ATP2B2: variants seen among roughly 807,000 people sequenced by gnomAD.
ATP2B2 encodes plasma membrane calcium-transporting ATPase 2.
A neutral mutation model predicts 120.0 loss-of-function variants in ATP2B2; 15 were observed. That is an observed-to-expected ratio of 0.12 (90% CI 0.08 to 0.19). The LOEUF (loss-of-function observed/expected upper bound fraction) is 0.19. Among genes scored for constraint, ATP2B2 ranks in the 10% least tolerant of loss-of-function variants. The pLI, the probability that ATP2B2 is intolerant of heterozygous loss-of-function variation, is 1.00. For missense variants in ATP2B2, 1,045 were observed against 1,719.8 expected, an observed-to-expected ratio of 0.61 and a Z score of 6.94; for synonymous variants, 694 against 700.3, an observed-to-expected ratio of 0.99 and a Z score of 0.14.
chr3:10,494,296 T>A (rs1380634712), intron 1 of ATP2B2, among the ~76,000 whole-genome samples: 1 of 152,142 alleles, frequency 6.6e-6, no homozygotes, highest in Non-Finnish European at 1.5e-5. Flanking sequence ...TCAGGCATGG[T>A]TCTAGGCTCC....
intron 1 of ATP2B2, among the ~76,000 whole-genome samples, chr3:10,474,959 C>T (rs909241121): frequency 6.6e-6 from 1 of 152,246 alleles, no homozygotes; most frequent in African/African-American, 2.4e-5. Flanking sequence ...CTCATGCATT[C>T]AGTGTCCCCA....
chr3:10,331,438 A>G lies in ATP2B2; in HGVS notation c.3421-2313T>C, dbSNP rs184602097. ...GGAACACCTAGTGTATGTGTGGGGC[A>G]GGGGGATGGTGGCAGGACCCTGTCA... On this transcript the variant is annotated intron_variant, in intron 22 of 22. Transcript: ENST00000360273. 7.2e-4 allele frequency among the ~76,000 whole-genome samples: 110 copies of G among 152,314 alleles called. 1 individual carries two copies. Among genetic ancestry groups the G allele is most frequent in the African/African-American group, 2.4e-3 (101 of 41,578 alleles).
intron 16 of ATP2B2, among the ~76,000 whole-genome samples, chr3:10,348,355 C>G (rs2060485051): frequency 6.6e-6 from 1 of 152,224 alleles, no homozygotes; most frequent in African/African-American, 2.4e-5. Flanking sequence ...GGTCCCTCCA[C>G]TGCCAGGCCG....
At chr3:10,365,176 A>G (rs979082571) in intron 12 of ATP2B2, among the ~76,000 whole-genome samples, 1 of 152,274 alleles carries the variant, frequency 6.6e-6, no homozygotes, top group African/African-American at 2.4e-5. Flanking sequence ...CACCTCTCCC[A>G]GAAGCCTGCC....
intron 2 of ATP2B2, among the ~76,000 whole-genome samples, chr3:10,614,474 G>T (rs1360377413): frequency 6.6e-6 from 1 of 152,216 alleles, no homozygotes; most frequent in African/African-American, 2.4e-5. Flanking sequence ...ACAAACAGAT[G>T]CTCTGAAAGC....
chr3:10,545,477 C>G (rs1370697408), intron 2 of ATP2B2, among the ~76,000 whole-genome samples: 2 of 149,938 alleles, frequency 1.3e-5, no homozygotes, highest in South Asian at 2.1e-4. Context: ...TACAGTGAGC[C>G]AAGATCGTGC....
intron 1 of ATP2B2, among the ~76,000 whole-genome samples, chr3:10,679,025 A>G (rs191097995): frequency 2.0e-5 from 3 of 152,246 alleles, no homozygotes; most frequent in Non-Finnish European, 4.4e-5. Context: ...GAAGTCAGAG[A>G]CTTCTATCTC....
intron 1 of ATP2B2, among the ~76,000 whole-genome samples, chr3:10,697,550 T>A (rs1056249158): frequency 2.6e-5 from 4 of 152,200 alleles, no homozygotes; most frequent in African/African-American, 9.6e-5. Flanking sequence ...AGGACAGAGA[T>A]GTTTTTCTCC....
intron 2 of ATP2B2, among the ~76,000 whole-genome samples, chr3:10,584,798 G>T (rs931351583): frequency 1.3e-5 from 2 of 152,144 alleles, no homozygotes; most frequent in Admixed American, 1.3e-4. Flanking sequence ...GTGTCACTGT[G>T]GGATATCTAA....
chr3:10,654,354 A>G (rs958536068), intron 1 of ATP2B2, among the ~76,000 whole-genome samples: 3 of 152,118 alleles, frequency 2.0e-5, no homozygotes, highest in Non-Finnish European at 4.4e-5. Context: ...TTAGAACCGG[A>G]CACATAAAAG....
chr3:10,504,165 C>T (rs543947975), intron 1 of ATP2B2, among the ~76,000 whole-genome samples: 6 of 152,192 alleles, frequency 3.9e-5, no homozygotes, highest in African/African-American at 1.2e-4. Flanking sequence ...CTTTCCTGGA[C>T]CCCCAACCCC....
At chr3:10,599,001 G>A (rs1033727550) in intron 2 of ATP2B2, among the ~76,000 whole-genome samples, 4 of 152,216 alleles carry the variant, frequency 2.6e-5, no homozygotes, top group African/African-American at 9.6e-5. Context: ...TTACTGCCCC[G>A]GCCCTCTGCC....
At position 10,594,777 on chromosome 3, in the gene ATP2B2, G is replaced by T. The variant is rs1017562621; in HGVS notation, c.-415+25140C>A. On this transcript the variant is annotated intron_variant, in intron 2 of 21. Coordinates refer to the ATP2B2 transcript ENST00000646379. Reference sequence around the variant, plus strand: ...GTCTATTTAATTAGCATCTATATTTGTCTGGCATTTTATTAGATTACTTCA... The same window carrying T: ...GTCTATTTAATTAGCATCTATATTTTTCTGGCATTTTATTAGATTACTTCA... Among the ~76,000 whole-genome samples the T allele has an allele frequency of 2.0e-5, 3 of 151,960 alleles. No homozygotes were observed. The East Asian group carries it at 5.8e-4, about 29-fold the overall frequency.
Position 10,325,155 on chromosome 3 carries a change from A to G in ATP2B2, c.*3659T>C, listed in dbSNP as rs1553640339. 6.6e-6 allele frequency: 1 copy of G among 151,996 alleles called. No individual in the cohort carries two copies. Among genetic ancestry groups the G allele is most frequent in the South Asian group, 2.1e-4 (1 of 4,812 alleles). The allele number at this position is 151,996 out of a possible 1,614,324, so 9.4% of individuals were successfully genotyped here. ...ATTTCACAGCCCTGAGTGGACAGTAATTACAATGGGGGGAAGATGATGGCA... is the reference window on the plus strand; with the variant it reads ...ATTTCACAGCCCTGAGTGGACAGTAGTTACAATGGGGGGAAGATGATGGCA... On this transcript the variant is annotated 3_prime_UTR_variant, in exon 23 of 23. Coordinates refer to ENST00000360273, the MANE Select transcript of ATP2B2 (RefSeq NM_001001331.4).
intron 2 of ATP2B2, among the ~76,000 whole-genome samples, chr3:10,577,720 T>C (rs1286994932): frequency 6.6e-6 from 1 of 152,162 alleles, no homozygotes; most frequent in Non-Finnish European, 1.5e-5. Flanking sequence ...GGCAAGCTCA[T>C]GGGGATGCAT....
chr3:10,625,373 G>A (rs1361102956), intron 1 of ATP2B2, among the ~76,000 whole-genome samples: 3 of 152,188 alleles, frequency 2.0e-5, no homozygotes, highest in African/African-American at 7.2e-5. Context: ...TGGAGCCAGG[G>A]GGAGGAGTCT....
At chr3:10,510,087 C>T (rs2066729598), upstream of ATP2B2, among the ~76,000 whole-genome samples, 1 of 152,142 alleles carries the variant, frequency 6.6e-6, no homozygotes, top group South Asian at 2.1e-4. Flanking sequence ...ATAAGGGTTC[C>T]CAGATAGCAT....
chr3:10,495,545 C>T (rs1373151825), intron 1 of ATP2B2, among the ~76,000 whole-genome samples: 4 of 152,164 alleles, frequency 2.6e-5, no homozygotes, highest in African/African-American at 7.2e-5. Flanking sequence ...ACAGGTTACC[C>T]GGGGGCTGTA....
At position 10,585,499 on chromosome 3, in the gene ATP2B2, A is replaced by G. The variant is rs1326368843; in HGVS notation, c.-415+34418T>C. Among the ~76,000 whole-genome samples, 13 of 147,036 alleles carry G rather than the reference A, an allele frequency of 8.8e-5. No individual in the cohort carries two copies. In the South Asian group the frequency reaches 2.7e-3, roughly 30 times the overall value. On this transcript the variant is annotated intron_variant, in intron 2 of 21. Coordinates refer to the ATP2B2 transcript ENST00000646379. The stretch of plus-strand genomic sequence containing the variant: ...ACAGAGCGAGACTCCGTCTGAAAAA[A>G]AAAAAAAAAAAAAAAAAAGATCCAG...
Sources: allele counts gnomAD v4.1 joint callset (sites outside exome capture counted in the v4.1 genomes callset), GRCh38; gene constraint gnomAD v4.1.1; transcripts MANE v1.5; gene names NCBI Gene and HGNC (gene_info 2026-07-23, HGNC 2026-07-21).